USP7: variants seen among roughly 807,000 people sequenced by gnomAD.
USP7 encodes the protein ubiquitin specific peptidase 7, also known as ubiquitin C-terminal hydrolase 7.
USP7 carries 9 observed loss-of-function variants against 162.9 expected under a neutral mutation model. The ratio of observed to expected loss-of-function variants is 0.06; its 90% CI spans 0.03 to 0.10. The LOEUF is 0.10. USP7 is among the 10% of genes least tolerant of loss of function. USP7 has a pLI of 1.00. For missense variants in USP7, 715 were observed against 1,373.7 expected, an observed-to-expected ratio of 0.52 and a Z score of 7.58; for synonymous variants, 562 against 475.9, an observed-to-expected ratio of 1.18 and a Z score of -2.35.
intron 13 of USP7, among the ~76,000 whole-genome samples, chr16:8,905,889 A>G (rs1450088448): frequency 6.6e-6 from 1 of 152,116 alleles, no homozygotes; most frequent in East Asian, 1.9e-4. Flanking sequence ...CGCACTCTTC[A>G]CTGTTCTCTC....
intron 15 of USP7, 24 bp from the exon 16 acceptor site, chr16:8,903,426 G>T (rs1567211590): frequency 6.2e-7 from 1 of 1,605,928 alleles, no homozygotes; most frequent in Non-Finnish European, 8.5e-7. Flanking sequence ...TGAAAGCACA[G>T]AAAAGACTTG....
chr16:8,899,573 T>G (rs2061742504), intron 22 of USP7, 31 bp downstream of exon 22: 1 of 1,608,730 alleles, frequency 6.2e-7, no homozygotes, highest in Non-Finnish European at 8.5e-7. Flanking sequence ...TGGAGTGGGA[T>G]CTGAAGAGGA....
intron 25 of USP7, among the ~76,000 whole-genome samples, chr16:8,897,701 A>C (rs1455729578): frequency 6.7e-4 from 18 of 26,668 alleles, no homozygotes; most frequent in Admixed American, 7.2e-4. Flanking sequence ...GTCTCTACAA[A>C]AAAAAAAAAA....
At chr16:8,936,774 A>G in intron 1 of USP7, 2 of 1,309,548 alleles carry the variant, frequency 1.5e-6, no homozygotes, top group Non-Finnish European at 2.0e-6. Context: ...GAAACATTCA[A>G]GCAACCTCAA....
At chr16:8,939,217 C>T (rs777782547) in intron 1 of USP7, among the ~76,000 whole-genome samples, 1 of 152,226 alleles carries the variant, frequency 6.6e-6, no homozygotes, top group Non-Finnish European at 1.5e-5. Flanking sequence ...ACAGTTCCAA[C>T]ACCACAAGGA....
Position 8,902,403 on chromosome 16 carries a change from T to C in USP7, c.1919A>G (p.Asn640Ser), listed in dbSNP as rs560507838. ...TACTGTTTTATTGCCGTCGGCTTCA[T>C]TATCTAACATTGCTGGTCGTTTTGT... ...NGTKRPAMLD[N>S]EADGNKTMIE... Residue 640 changes from asparagine to serine, a missense_variant, in exon 17 of 31, where the codon AAT becomes AGT. Asn to Ser is a conservative substitution (Grantham distance 46, BLOSUM62 1). Coordinates refer to ENST00000344836, the MANE Select transcript of USP7 (RefSeq NM_003470.3). The C allele has an allele frequency of 1.1e-5, 17 of 1,614,150 alleles. No homozygotes were observed. In the Admixed American group the frequency reaches 2.2e-4, roughly 21 times the overall value.
At chr16:8,912,683 A>G (rs1052168465) in intron 10 of USP7, among the ~76,000 whole-genome samples, 3 of 152,090 alleles carry the variant, frequency 2.0e-5, no homozygotes, top group Non-Finnish European at 2.9e-5. Flanking sequence ...GCACTTCGGG[A>G]GGCCAAGGCG....
At chr16:8,916,604 T>A in intron 7 of USP7, 48 bp from the exon 8 acceptor site, 1 of 1,548,748 alleles carries the variant, frequency 6.5e-7, no homozygotes, top group Non-Finnish European at 8.8e-7. Context: ...AACTTTCAAA[T>A]GAGCAAATTA....
At chr16:8,899,014 G>A (rs1309621463) in intron 23 of USP7, 107 bp downstream of exon 23, 2 of 1,178,778 alleles carry the variant, frequency 1.7e-6, no homozygotes, top group African/African-American at 1.5e-5. Context: ...GAAATGGACT[G>A]TCAGGTGAAA....
chr16:8,920,292 C>G lies in USP7; in HGVS notation c.611+67G>C, dbSNP rs151211038. On this transcript the variant is annotated intron_variant, in intron 5 of 30. Transcript: ENST00000344836. ...AATATGTGCATCTCTATTACATGCA[C>G]GCTAAAGCTTCTTTCACTGCAGCAC... The G allele has an allele frequency of 7.2e-5, 100 of 1,390,826 alleles. No homozygotes were observed. In the African/African-American group the frequency reaches 1.3e-3, roughly 18 times the overall value. The allele number at this position is 1,390,826 out of a possible 1,614,324, so 86.2% of individuals were successfully genotyped here. A position where few individuals can be genotyped will look rare whatever the true frequency, so the allele number is the denominator to read the frequency against.
intron 30 of USP7, 75 bp from the exon 31 acceptor site, chr16:8,894,179 G>A: frequency 7.3e-7 from 1 of 1,371,872 alleles, no homozygotes; most frequent in South Asian, 1.2e-5. Context: ...TGGCCAGTGA[G>A]GCATGCATCC....
Position 8,892,690 on chromosome 16 carries a change from C to G in USP7, c.*1308G>C, listed in dbSNP as rs1295873666. 1 of 151,496 alleles carries G rather than the reference C, an allele frequency of 6.6e-6. No homozygotes were observed. Among genetic ancestry groups the G allele is most frequent in the Non-Finnish European group, 1.5e-5 (1 of 67,956 alleles). 9.4% of individuals were successfully genotyped at this position (151,496 alleles called of 1,614,324 possible). ...GAAGGAAAAGTACATCTCAGTGAAACCTTGTTACAAATGCCAAGGTTTCCC... is the reference window on the plus strand; with the variant it reads ...GAAGGAAAAGTACATCTCAGTGAAAGCTTGTTACAAATGCCAAGGTTTCCC... On this transcript the variant is annotated 3_prime_UTR_variant, in exon 31 of 31. Coordinates refer to ENST00000344836, the MANE Select transcript of USP7 (RefSeq NM_003470.3).
At chr16:8,934,490 AC>A (rs1241177638) in intron 1 of USP7, among the ~76,000 whole-genome samples, 1 of 152,096 alleles carries the variant, frequency 6.6e-6, no homozygotes, top group Non-Finnish European at 1.5e-5. Context: ...CGTAAGCTCT[AC>A]CCCCCATTTT....
At chr16:8,899,045 T>A in intron 23 of USP7, 76 bp downstream of exon 23, 1 of 1,478,922 alleles carries the variant, frequency 6.8e-7, no homozygotes. Flanking sequence ...ATTATTAAAA[T>A]TAGTTCCAAG....
chr16:8,897,471 C>G (rs2061701310), intron 25 of USP7, among the ~76,000 whole-genome samples: 1 of 151,964 alleles, frequency 6.6e-6, no homozygotes. Context: ...TGTGGGCCTT[C>G]AGGGAGCTCA....
chr16:8,908,553 C>G, intron 11 of USP7, 103 bp from the exon 12 acceptor site: 1 of 964,132 alleles, frequency 1.0e-6, no homozygotes, highest in South Asian at 1.6e-5. Context: ...TCTGGAGACT[C>G]TGGAGACAAA....
At chr16:8,899,048 G>C in intron 23 of USP7, 73 bp downstream of exon 23, 3 of 1,490,046 alleles carry the variant, frequency 2.0e-6, no homozygotes, top group East Asian at 4.5e-5. Flanking sequence ...ATTAAAATTA[G>C]TTCCAAGATG....
intron 2 of USP7, 130 bp from the exon 3 acceptor site, chr16:8,923,543 GCTTC>G: frequency 1.0e-6 from 1 of 972,098 alleles, no homozygotes; most frequent in Non-Finnish European, 1.5e-6. Flanking sequence ...TGAAAAAATT[GCTTC>G]CAATTTATTA....
In USP7 at chr16:8,928,238, G is replaced by A. The variant is rs538621888; in HGVS notation, c.184+2055C>T. 5.3e-5 allele frequency among the ~76,000 whole-genome samples: 8 copies of A among 152,198 alleles called. No homozygotes were observed. In the South Asian group the frequency reaches 8.3e-4, roughly 16 times the overall value. On this transcript the variant is annotated intron_variant, in intron 2 of 30. Transcript: ENST00000344836. Reference sequence around the variant, plus strand: ...GTCTTCTGTGCAAATCAGTCAAGTCGCTGATAGTTTGGCTACAGACCAAAC... The same window carrying A: ...GTCTTCTGTGCAAATCAGTCAAGTCACTGATAGTTTGGCTACAGACCAAAC...
Sources: gnomAD v4.1 joint callset for allele counts (sites outside exome capture counted in the v4.1 genomes callset) on GRCh38, gnomAD v4.1.1 for gene constraint, MANE v1.5 for transcripts, NCBI Gene and HGNC (gene_info 2026-07-23, HGNC 2026-07-21) for gene names.